GPRC5C: variants seen among roughly 807,000 people sequenced by gnomAD.
GPRC5C encodes G protein-coupled receptor class C group 5 member C.
Under a neutral mutation model 31.4 loss-of-function variants are expected in GPRC5C, and 22 were observed. That is an observed-to-expected ratio of 0.70 (90% CI 0.50 to 1.00). The LOEUF (loss-of-function observed/expected upper bound fraction) is 1.00. Ranked by LOEUF, GPRC5C falls within the 50% of genes least tolerant of loss-of-function variation. The probability of loss-of-function intolerance (pLI) is 0.00; values close to 1 mark genes in which losing one functional copy is unlikely to be tolerated. For synonymous variants in GPRC5C, 249 were observed against 257.5 expected (o/e 0.97, Z 0.32); for missense variants, 557 against 597.2 (o/e 0.93, Z 0.70).
intron 1 of GPRC5C, among the ~76,000 whole-genome samples, chr17:74,438,260 TG>T (rs1162991475): frequency 7.4e-6 from 1 of 135,922 alleles, no homozygotes. Context: ...TATTTGTTGT[TG>T]TTGTTGTTGT....
chr17:74,446,734 G>C (rs2055641421), intron 3 of GPRC5C, 115 bp from the exon 4 acceptor site: 5 of 795,564 alleles, frequency 6.3e-6, no homozygotes, highest in African/African-American at 3.5e-5. Context: ...AGGAGCCGAG[G>C]GGGGAGTTGG....
chr17:74,448,583 T>A (rs1353646207), downstream of GPRC5C, among the ~76,000 whole-genome samples: 1 of 152,156 alleles, frequency 6.6e-6, no homozygotes, highest in African/African-American at 2.4e-5. Context: ...TTCACCATGT[T>A]GCCCAGACTG....
At chr17:74,448,765 C>A, downstream of GPRC5C, 2 of 659,458 alleles carry the variant, frequency 3.0e-6, no homozygotes, top group Non-Finnish European at 4.8e-6. Flanking sequence ...AATCCCAGAA[C>A]TGTACCATTT....
rs572059130 is a variant in GPRC5C at position 74,446,947 on chromosome 17, G to A, written c.1245G>A (p.Ser415=). Residue 415 remains serine (S), a synonymous_variant, in exon 4 of 4, where the codon TCG becomes TCA. Coordinates refer to ENST00000392627, the MANE Select transcript of GPRC5C (RefSeq NM_022036.4). ...CCCTGCGGGCTGAAGACATGTACTC[G>A]GCCCAGAGCCACCAGGCGGCCACAC... is the stretch of plus-strand genomic sequence containing the variant. ...NSTLRAEDMY[S]AQSHQAATPP... The A allele has an allele frequency of 9.3e-6, 15 of 1,614,142 alleles. No individual in the cohort carries two copies. The highest frequency in any genetic ancestry group is 6.7e-5 in the African/African-American group (5 of 75,056).
Position 74,440,727 on chromosome 17 carries a change from C to T in GPRC5C, c.951C>T (p.Tyr317=). The T allele has an allele frequency of 2.5e-6, 4 of 1,600,408 alleles. No homozygotes were observed. In the East Asian group the frequency reaches 6.8e-5, roughly 27 times the overall value. Residue 317 remains tyrosine (Y), a synonymous_variant, in exon 2 of 4, where the codon TAC becomes TAT. Transcript: ENST00000392627. This position sits in a 1 kb window ranked among gnomAD's most constrained non-coding sequence, Gnocchi z 4.4. ...SPEQSYQGDM[Y]PTRGVGYETI... ...AGCAAAGCTACCAGGGGGACATGTACCCCACCCGGGGCGTGGGCTATGAGA... is the reference window on the plus strand; with the variant it reads ...AGCAAAGCTACCAGGGGGACATGTATCCCACCCGGGGCGTGGGCTATGAGA...
At chr17:74,449,025 G>A, downstream of GPRC5C, 2 of 565,702 alleles carry the variant, frequency 3.5e-6, no homozygotes, top group East Asian at 6.9e-5. Context: ...GCCGGCCCCG[G>A]GGAGCCTGCT....
At chr17:74,435,364 T>C (rs1432068691) in intron 1 of GPRC5C, among the ~76,000 whole-genome samples, 1 of 152,240 alleles carries the variant, frequency 6.6e-6, no homozygotes, top group East Asian at 1.9e-4. Context: ...AGCCCAGGTT[T>C]CCCACCTGAG....
At chr17:74,442,712 C>T (rs77397195) in intron 2 of GPRC5C, among the ~76,000 whole-genome samples, 3 of 152,172 alleles carry the variant, frequency 2.0e-5, no homozygotes, top group East Asian at 3.9e-4. Flanking sequence ...CCTCATAATC[C>T]CTGCTTTGGA....
Position 74,440,840 on chromosome 17 carries a change from G to A in GPRC5C, c.1051+13G>A. 6.8e-7 allele frequency: 1 copy of A among 1,468,132 alleles called. No homozygotes were observed. Among genetic ancestry groups the A allele is most frequent in the Non-Finnish European group, 9.1e-7 (1 of 1,104,238 alleles). The allele number at this position is 1,468,132 out of a possible 1,614,324, so 90.9% of individuals were successfully genotyped here. On this transcript the variant is annotated intron_variant, in intron 2 of 3. Coordinates refer to ENST00000392627, the MANE Select transcript of GPRC5C (RefSeq NM_022036.4). This position sits in a 1 kb window ranked among gnomAD's most constrained non-coding sequence, Gnocchi z 4.4. ...GAGCCGGTTGCAGGTGGGTCTCTGT[G>A]GATGCCCCCAGTGGCCCCTTTCTCC... is the stretch of plus-strand genomic sequence containing the variant.
chr17:74,432,437 C>T, intron 1 of GPRC5C: 2 of 1,121,160 alleles, frequency 1.8e-6, no homozygotes, highest in Non-Finnish European at 2.2e-6. Flanking sequence ...CCCCGCGCCG[C>T]GTCCCTCCCA....
At position 74,443,800 on chromosome 17, in the gene GPRC5C, TC is replaced by T; in HGVS notation, c.1052-16del. 1.3e-6 allele frequency: 2 copies of T among 1,573,762 alleles called. No individual in the cohort carries two copies. Among genetic ancestry groups the T allele is most frequent in the Admixed American group, 1.7e-5 (1 of 59,938 alleles). ...GAGAGCCCTGGGATCTTCAAACTGT[TC>T]CTGCTTTTCCTTGTAGCTAAGAGGC... On this transcript the variant is annotated splice_polypyrimidine_tract_variant and intron_variant, in intron 2 of 3. Transcript: ENST00000392627.
Position 74,443,936 on chromosome 17 carries a change from G to A in GPRC5C, c.1146+24G>A, listed in dbSNP as rs374267371. On this transcript the variant is annotated intron_variant, in intron 3 of 3. Transcript: ENST00000392627. ...CGGTAAGTGGGTTCCCCAGGTCCCC[G>A]TGACACGTCTGGGCTACAGAGACCA... The A allele has an allele frequency of 1.4e-5, 21 of 1,490,042 alleles. No homozygotes were observed. In the African/African-American group the frequency reaches 2.1e-4, roughly 15 times the overall value. 92.3% of individuals were successfully genotyped at this position (1,490,042 alleles called of 1,614,324 possible).
intron 2 of GPRC5C, chr17:74,443,503 T>G: frequency 6.0e-6 from 3 of 501,248 alleles, no homozygotes; most frequent in East Asian, 5.1e-5. Flanking sequence ...GGAGGGCGGA[T>G]GGGGATGTGG....
At chr17:74,435,541 G>A (rs73348385) in intron 1 of GPRC5C, among the ~76,000 whole-genome samples, 10,857 of 152,284 alleles carry the variant, frequency 0.071, 1,164 homozygotes, top group African/African-American at 0.23. Context: ...ACCTGGATGC[G>A]GTGAGGGGCA....
At chr17:74,436,340 CT>C (rs1009553465) in intron 1 of GPRC5C, among the ~76,000 whole-genome samples, 4 of 152,134 alleles carry the variant, frequency 2.6e-5, no homozygotes, top group African/African-American at 7.2e-5. Flanking sequence ...CAGGGCTTAG[CT>C]TTTGGGTGTC....
chr17:74,442,334 G>T (rs2055554277), intron 2 of GPRC5C, among the ~76,000 whole-genome samples: 1 of 152,190 alleles, frequency 6.6e-6, no homozygotes, highest in African/African-American at 2.4e-5. Flanking sequence ...TATTTGGGGT[G>T]CCGTGTAGTG....
chr17:74,451,637 G>A (rs1444903941), downstream of GPRC5C: 2 of 151,834 alleles, frequency 1.3e-5, no homozygotes, highest in African/African-American at 4.8e-5. Context: ...CCTTCCATGG[G>A]TGAGGGCTTA....
chr17:74,443,967 A>G (rs1363589468), intron 3 of GPRC5C, 55 bp downstream of exon 3: 8 of 1,240,638 alleles, frequency 6.4e-6, no homozygotes, highest in Non-Finnish European at 9.4e-6. Context: ...GACCAGCCTC[A>G]GCAGGCCAGT....
intron 1 of GPRC5C, 50 bp from the exon 2 acceptor site, chr17:74,439,695 G>A (rs1282774144): frequency 1.3e-6 from 2 of 1,526,746 alleles, no homozygotes; most frequent in Non-Finnish European, 1.8e-6. Flanking sequence ...CATGTATATT[G>A]GAGTCTGATC....
Sources: gnomAD v4.1 joint callset for allele counts (sites outside exome capture counted in the v4.1 genomes callset) on GRCh38, gnomAD v4.1.1 for gene constraint, Gnocchi (gnomAD v3.1) non-coding constraint, MANE v1.5 for transcripts, NCBI Gene and HGNC (gene_info 2026-07-23, HGNC 2026-07-21) for gene names.